RNF168: variants seen among roughly 807,000 people sequenced by gnomAD.
RNF168 encodes the protein E3 ubiquitin-protein ligase RNF168.
A neutral mutation model predicts 34.9 loss-of-function variants in RNF168; 34 were observed. The ratio of observed to expected loss-of-function variants is 0.97; its 90% CI spans 0.74 to 1.30. The LOEUF is 1.30. Ranked by LOEUF, RNF168 falls within the 50% of genes most tolerant of loss-of-function variation. RNF168 has a pLI of 0.00. For synonymous variants in RNF168, 264 were observed against 254.7 expected, an observed-to-expected ratio of 1.04 and a Z score of -0.35; for missense variants, 725 against 682.5, an observed-to-expected ratio of 1.06 and a Z score of -0.69.
intron 1 of RNF168, among the ~76,000 whole-genome samples, chr3:196,494,840 T>C (rs1308964586): frequency 6.6e-6 from 1 of 152,018 alleles, no homozygotes; most frequent in Non-Finnish European, 1.5e-5. Flanking sequence ...CTCGGTAACA[T>C]AGTGAGACCC....
At chr3:196,496,882 C>T (rs1237540750) in intron 1 of RNF168, among the ~76,000 whole-genome samples, 5 of 152,156 alleles carry the variant, frequency 3.3e-5, no homozygotes, top group Admixed American at 6.5e-5. Context: ...CGATGGCTCA[C>T]GCCTGTAATC....
rs941874666 is a variant in RNF168 at position 196,472,390 on chromosome 3, C to G, written c.1145G>C (p.Ser382Thr). 6.2e-7 allele frequency: 1 copy of G among 1,613,934 alleles called. No homozygotes were observed. Among genetic ancestry groups the G allele is most frequent in the African/African-American group, 1.3e-5 (1 of 74,894 alleles). Reference sequence around the variant, plus strand: ...GTTTTTTCTTTTGGAAATCTCCTTACTGATCAGTAGGCACGACTCTTCATT... The same window carrying G: ...GTTTTTTCTTTTGGAAATCTCCTTAGTGATCAGTAGGCACGACTCTTCATT... ...TENEESCLLI[S>T]KEISKRKNQE... The change falls in exon 6 of 6, where the codon AGT becomes ACT. Residue 382 changes from serine (S) to threonine (T), a missense_variant. By Grantham distance (58) the Ser-to-Thr change is moderately conservative (BLOSUM62 1). Coordinates refer to ENST00000318037, the MANE Select transcript of RNF168 (RefSeq NM_152617.4).
chr3:196,482,567 T>G (rs1436688991), intron 4 of RNF168, among the ~76,000 whole-genome samples: 1 of 152,202 alleles, frequency 6.6e-6, no homozygotes, highest in Non-Finnish European at 1.5e-5. Context: ...TACCAAGCAA[T>G]GCGCAAGGAT....
At chr3:196,496,086 T>C (rs1732737268) in intron 1 of RNF168, among the ~76,000 whole-genome samples, 1 of 152,228 alleles carries the variant, frequency 6.6e-6, no homozygotes, top group Admixed American at 6.5e-5. Flanking sequence ...ATTATATTTT[T>C]ATAAATTATC....
rs1167311987 is a variant in RNF168, at chr3:196,472,527, T to C, written c.1008A>G (p.Arg336=). ...CTGCAGTTTCTTTCGAGTAGGGAACTCTGGTTTTAGGTCGCTCGTGACTTA... is the reference window on the plus strand; with the variant it reads ...CTGCAGTTTCTTTCGAGTAGGGAACCCTGGTTTTAGGTCGCTCGTGACTTA... ...CVLSHERPKT[R]VPYSKETAVM... Residue 336 remains arginine (R), a synonymous_variant, in exon 6 of 6, where the codon AGA becomes AGG. Transcript: ENST00000318037. 3.7e-6 allele frequency: 6 copies of C among 1,614,126 alleles called. No homozygotes were observed. In the Admixed American group the frequency reaches 5.0e-5, roughly 13 times the overall value.
At chr3:196,475,169 T>C (rs1732114304) in intron 5 of RNF168, 62 bp downstream of exon 5, 4 of 915,322 alleles carry the variant, frequency 4.4e-6, no homozygotes, top group Non-Finnish European at 7.3e-6. Flanking sequence ...AAACTATGGA[T>C]AGCACTAATC....
rs748108520 is a variant in RNF168, at chr3:196,472,202, GTTC to G, written c.1330_1332del (p.Glu444del). The G allele has an allele frequency of 4.3e-6, 7 of 1,613,828 alleles. No homozygotes were observed. Among genetic ancestry groups the G allele is most frequent in the East Asian group, 4.5e-5 (2 of 44,898 alleles). ...AGTTGTAATGCCAATAACCTGTCCTGTTCTTCTTGTTTATGTCTCTCAAACAGT... is the reference window on the plus strand; with the variant it reads ...AGTTGTAATGCCAATAACCTGTCCTGTTCTTGTTTATGTCTCTCAAACAGT... On this transcript the variant is annotated inframe_deletion, in exon 6 of 6. Transcript: ENST00000318037.
At chr3:196,478,487 T>C (rs1017256407) in intron 4 of RNF168, among the ~76,000 whole-genome samples, 2 of 152,232 alleles carry the variant, frequency 1.3e-5, no homozygotes, top group African/African-American at 4.8e-5. Context: ...TTCCGACATG[T>C]GGCTCCACGG....
In RNF168 at chr3:196,488,669, G is replaced by C. The variant is rs751761904; in HGVS notation, c.316C>G (p.Pro106Ala). The C allele has an allele frequency of 6.2e-7, 1 of 1,602,062 alleles. No individual in the cohort carries two copies. Among genetic ancestry groups the C allele is most frequent in the Admixed American group, 1.7e-5 (1 of 59,946 alleles). Residue 106 changes from proline (P) to alanine (A), a missense_variant, in exon 2 of 6, where the codon CCA (proline) becomes GCA (alanine). By Grantham distance (27) the Pro-to-Ala change is conservative. Coordinates refer to ENST00000318037, the MANE Select transcript of RNF168 (RefSeq NM_152617.4). Reference sequence around the variant, plus strand: ...CCAGGTTTACTGAGCAGACGAACTGGCTGATAGTCATCAGCTATTTCATAT... The same window carrying C: ...CCAGGTTTACTGAGCAGACGAACTGCCTGATAGTCATCAGCTATTTCATAT... ...ESEEVADDYQ[P>A]VRLLSKPGEL...
At position 196,503,286 on chromosome 3, in the gene RNF168, G is replaced by C; in HGVS notation, c.-113C>G. Reference sequence around the variant, plus strand: ...GTTTTGTGTTTCAGTATTATGCCCAGAAGCGTATCAGAATTCGGAGAACAG... The same window carrying C: ...GTTTTGTGTTTCAGTATTATGCCCACAAGCGTATCAGAATTCGGAGAACAG... On this transcript the variant is annotated 5_prime_UTR_variant, in exon 1 of 6. Coordinates refer to ENST00000318037, the MANE Select transcript of RNF168 (RefSeq NM_152617.4). 2 of 915,514 alleles carry C rather than the reference G, an allele frequency of 2.2e-6. No homozygotes were observed. The highest frequency in any genetic ancestry group is 1.4e-5 in the South Asian group (1 of 71,254). 56.7% of individuals were successfully genotyped at this position (915,514 alleles called of 1,614,324 possible). A position where few individuals can be genotyped will look rare whatever the true frequency, so the allele number is the denominator to read the frequency against.
intron 4 of RNF168, among the ~76,000 whole-genome samples, chr3:196,481,507 T>C (rs963264079): frequency 2.6e-5 from 4 of 152,118 alleles, no homozygotes; most frequent in African/African-American, 7.2e-5. Flanking sequence ...AAGATTTTGG[T>C]AGATATCCTT....
chr3:196,487,335 G>A, intron 3 of RNF168, 64 bp downstream of exon 3: 1 of 1,306,144 alleles, frequency 7.7e-7, no homozygotes. Context: ...CTTCCCATGA[G>A]CGGGTTCTGC....
chr3:196,487,037 A>G (rs1732447078), intron 3 of RNF168, among the ~76,000 whole-genome samples: 1 of 152,262 alleles, frequency 6.6e-6, no homozygotes, highest in African/African-American at 2.4e-5. Context: ...CCTGCATGAC[A>G]GAGTAAGACC....
chr3:196,492,802 AAAAT>A (rs140990026), intron 1 of RNF168, among the ~76,000 whole-genome samples: 11 of 150,932 alleles, frequency 7.3e-5, no homozygotes, highest in African/African-American at 2.2e-4. Context: ...ATAAATAAAT[AAAAT>A]AAATAAATAG....
At chr3:196,488,789 G>A (rs11185543) in intron 1 of RNF168, 106 bp from the exon 2 acceptor site, 387,127 of 625,238 alleles carry the variant, frequency 0.62, 124,496 homozygotes, top group African/African-American at 0.74. Context: ...ATTAATAACT[G>A]CAGCAATATC....
chr3:196,492,741 G>A (rs957689191), intron 1 of RNF168, among the ~76,000 whole-genome samples: 2 of 152,186 alleles, frequency 1.3e-5, no homozygotes, highest in African/African-American at 4.8e-5. Flanking sequence ...TCGCACCATT[G>A]CACTCCAGCC....
At chr3:196,502,292 T>C (rs781757996) in intron 1 of RNF168, among the ~76,000 whole-genome samples, 28 of 151,972 alleles carry the variant, frequency 1.8e-4, no homozygotes, top group Non-Finnish European at 3.2e-4. Flanking sequence ...GATGTATAGA[T>C]AAGTAAATCA....
chr3:196,481,606 T>C (rs748612883), intron 4 of RNF168, among the ~76,000 whole-genome samples: 1 of 151,662 alleles, frequency 6.6e-6, no homozygotes, highest in African/African-American at 2.4e-5. Flanking sequence ...ATTGAATAAC[T>C]TACAGTGATT....
chr3:196,487,880 T>C (rs1732495990), intron 2 of RNF168, among the ~76,000 whole-genome samples: 4 of 152,198 alleles, frequency 2.6e-5, no homozygotes, highest in Admixed American at 2.0e-4. Context: ...TATGTATAAC[T>C]TCATATGTAA....
Sources: allele counts gnomAD v4.1 joint callset (sites outside exome capture counted in the v4.1 genomes callset), GRCh38; gene constraint gnomAD v4.1.1; transcripts MANE v1.5; gene names NCBI Gene and HGNC (gene_info 2026-07-23, HGNC 2026-07-21).